Variants in MBLAC2 observed in about 807,000 individuals in gnomAD.
MBLAC2 encodes acyl-coenzyme A thioesterase MBLAC2.
Under a neutral mutation model 23.3 loss-of-function variants are expected in MBLAC2, and 24 were observed. The ratio of observed to expected loss-of-function variants is 1.03; its 90% CI spans 0.75 to 1.45. MBLAC2 has a LOEUF of 1.45. Among genes scored for constraint, MBLAC2 ranks in the 40% most tolerant of loss-of-function variants. The probability of loss-of-function intolerance (pLI) is 0.00; values close to 1 mark genes in which losing one functional copy is unlikely to be tolerated. For synonymous variants in MBLAC2, 162 were observed against 150.9 expected (o/e 1.07, Z -0.54); for missense variants, 358 against 370.0 (o/e 0.97, Z 0.27).
chr5:90,471,799 C>A (rs920643542), intron 1 of MBLAC2: 3 of 152,068 alleles, frequency 2.0e-5, no homozygotes, highest in Non-Finnish European at 4.4e-5. Flanking sequence ...TCAGAAGATA[C>A]GGGAAATTAA....
intron 1 of MBLAC2, chr5:90,472,652 G>A (rs1028098605): frequency 1.3e-5 from 2 of 152,032 alleles, no homozygotes; most frequent in African/African-American, 4.8e-5. Context: ...TCATTATACT[G>A]CAGCAACTGA....
At chr5:90,469,703 G>A (rs957392774) in intron 1 of MBLAC2, among the ~76,000 whole-genome samples, 1 of 152,054 alleles carries the variant, frequency 6.6e-6, no homozygotes, top group Non-Finnish European at 1.5e-5. Context: ...GAGTAAAAAT[G>A]GCTATTGTCA....
At chr5:90,463,332 C>T (rs1750397593) in intron 1 of MBLAC2, among the ~76,000 whole-genome samples, 1 of 152,246 alleles carries the variant, frequency 6.6e-6, no homozygotes, top group Admixed American at 6.5e-5. Context: ...CTCAAGCGAT[C>T]CTCCCTCCCT....
In MBLAC2 at chr5:90,461,439, C is replaced by T. The variant is rs1018066770; in HGVS notation, c.568G>A (p.Val190Ile). 4.3e-6 allele frequency: 7 copies of T among 1,614,016 alleles called. No homozygotes were observed. Among genetic ancestry groups the T allele is most frequent in the Non-Finnish European group, 4.2e-6 (5 of 1,180,016 alleles). Reference protein sequence around the residue: ...KDRKILFSGDVVYDGSLIDWL... With the variant: ...KDRKILFSGDIVYDGSLIDWL... The stretch of plus-strand genomic sequence containing the variant: ...TCAATCAGTGATCCATCATACACGA[C>T]GTCTCCACTGAAGAGAATCTTTCGG... The change falls in exon 2 of 2, where the codon GTC becomes ATC. Residue 190 changes from valine to isoleucine, a missense_variant. By Grantham distance (29) the Val-to-Ile change is conservative. Transcript: ENST00000316610.
chr5:90,470,809 A>G (rs1750535257), intron 1 of MBLAC2, among the ~76,000 whole-genome samples: 1 of 146,660 alleles, frequency 6.8e-6, no homozygotes, highest in African/African-American at 2.5e-5. Flanking sequence ...TGTTTTCCAT[A>G]CTGAGCCCTT....
intron 1 of MBLAC2, among the ~76,000 whole-genome samples, chr5:90,465,517 G>T (rs546409034): frequency 6.6e-6 from 1 of 152,136 alleles, no homozygotes; most frequent in Non-Finnish European, 1.5e-5. Flanking sequence ...GTTCAATATG[G>T]TGTGGCTAAT....
chr5:90,460,954 G>A lies in MBLAC2; in HGVS notation c.*213C>T. 2.3e-6 allele frequency: 1 copy of A among 434,756 alleles called. No individual in the cohort carries two copies. The highest frequency in any genetic ancestry group is 4.0e-6 in the Non-Finnish European group (1 of 249,998). The allele number at this position is 434,756 out of a possible 1,614,324, so 26.9% of individuals were successfully genotyped here. ...CATATATTACAAGATGACAGCTTTG[G>A]CAAAGTATAAGCTTATTTAAGTGGC... On this transcript the variant is annotated 3_prime_UTR_variant, in exon 2 of 2. Coordinates refer to ENST00000316610, the MANE Select transcript of MBLAC2 (RefSeq NM_203406.2).
chr5:90,461,615 T>C, intron 1 of MBLAC2, 63 bp from the exon 2 acceptor site: 1 of 1,440,234 alleles, frequency 6.9e-7, no homozygotes. Context: ...ATGTAAAGCA[T>C]ACTAGAGCAT....
rs1750366736 is a variant in MBLAC2, at chr5:90,461,427, C to A, written c.580G>T (p.Gly194Ter). The A allele has an allele frequency of 6.2e-7, 1 of 1,613,988 alleles. No individual in the cohort carries two copies. The change falls in exon 2 of 2, where the codon GGA becomes TGA. Residue 194 changes from glycine (G) to a stop codon, truncating the protein, a stop_gained. Transcript: ENST00000316610. LOFTEE classifies it high-confidence loss of function. ...TATGGGAGCCAGTCAATCAGTGATC[C>A]ATCATACACGACGTCTCCACTGAAG... ...ILFSGDVVYD[G>*]SLIDWLPYSR...
At position 90,461,475 on chromosome 5, in the gene MBLAC2, G is replaced by C; in HGVS notation, c.532C>G (p.His178Asp). Residue 178 changes from histidine (H) to aspartate (D), a missense_variant, in exon 2 of 2, where the codon CAT becomes GAT. Physicochemically the swap from His to Asp is moderately conservative, Grantham distance 81. Transcript: ENST00000316610. ...PGHSRGSICLHDKDRKILFSG... is the reference protein window; with the variant it reads ...PGHSRGSICLDDKDRKILFSG... ...AAGAGAATCTTTCGGTCTTTGTCATGTAAGCAAATACTGCCCCTGGAGTGA... is the reference window on the plus strand; with the variant it reads ...AAGAGAATCTTTCGGTCTTTGTCATCTAAGCAAATACTGCCCCTGGAGTGA... 1 of 1,614,112 alleles carries C rather than the reference G, an allele frequency of 6.2e-7. No homozygotes were observed. Among genetic ancestry groups the C allele is most frequent in the Non-Finnish European group, 8.5e-7 (1 of 1,180,014 alleles).
intron 1 of MBLAC2, among the ~76,000 whole-genome samples, chr5:90,471,073 T>C (rs914824436): frequency 3.9e-5 from 6 of 152,214 alleles, no homozygotes; most frequent in East Asian, 1.9e-4. Flanking sequence ...TTTGCTGGCA[T>C]AGTATAAAAC....
rs1240704916 is a variant in MBLAC2 at position 90,473,940 on chromosome 5, G to A, written c.353C>T (p.Thr118Ile). 1.2e-6 allele frequency: 2 copies of A among 1,604,474 alleles called. No individual in the cohort carries two copies. The highest frequency in any genetic ancestry group is 1.1e-5 in the South Asian group (1 of 89,282). The change falls in exon 1 of 2, where the codon ACC becomes ATC. Residue 118 changes from threonine (T) to isoleucine (I), a missense_variant. By Grantham distance (89) the Thr-to-Ile change is moderately conservative. Coordinates refer to ENST00000316610, the MANE Select transcript of MBLAC2 (RefSeq NM_203406.2). ...CACCACCTCGCTATCGGAAAGCCAG[G>A]TCACGGTCTCAAAGTTGTCCCCGCG... Reference protein sequence around the residue: ...LARGDNFETVTWLSDSEVVRT... With the variant: ...LARGDNFETVIWLSDSEVVRT...
intron 1 of MBLAC2, among the ~76,000 whole-genome samples, chr5:90,469,085 C>A (rs1218386763): frequency 1.3e-5 from 2 of 152,124 alleles, no homozygotes; most frequent in African/African-American, 4.8e-5. Context: ...CCAAGATCAG[C>A]CTCCCGAGTA....
intron 1 of MBLAC2, among the ~76,000 whole-genome samples, chr5:90,470,754 G>GCACACACACACACA (rs112575403): frequency 7.1e-5 from 8 of 112,524 alleles, no homozygotes; most frequent in South Asian, 6.3e-4. Context: ...ACTAGCGCGC[G>GCACACACACACACA]CGCACACACA....
Position 90,474,285 on chromosome 5 carries a change from G to C in MBLAC2, c.8C>G (p.Ala3Gly). The C allele has an allele frequency of 6.2e-7, 1 of 1,613,072 alleles. No homozygotes were observed. The highest frequency in any genetic ancestry group is 8.5e-7 in the Non-Finnish European group (1 of 1,179,704). Residue 3 changes from alanine to glycine, a missense_variant, in exon 1 of 2, where the codon GCG becomes GGG. Coordinates refer to ENST00000316610, the MANE Select transcript of MBLAC2 (RefSeq NM_203406.2). MS[A>G]LEWYAHKSLG... ...AGACTTGTGGGCGTACCACTCGAGC[G>C]CCGACATGCTGGGCAGGGGTGCAGC...
Position 90,460,352 on chromosome 5 carries a change from T to C in MBLAC2, c.*815A>G, listed in dbSNP as rs1182533169. 6.6e-6 allele frequency: 1 copy of C among 152,590 alleles called. No individual in the cohort carries two copies. Among genetic ancestry groups the C allele is most frequent in the African/African-American group, 2.4e-5 (1 of 41,458 alleles). The allele number at this position is 152,590 out of a possible 1,614,324, so 9.5% of individuals were successfully genotyped here. ...TTCATAATAGCTGTTAATATTAAAA[T>C]AGGATATAATAATAAAAAATTATTC... On this transcript the variant is annotated 3_prime_UTR_variant, in exon 2 of 2. Coordinates refer to ENST00000316610, the MANE Select transcript of MBLAC2 (RefSeq NM_203406.2).
intron 1 of MBLAC2, among the ~76,000 whole-genome samples, chr5:90,470,660 TG>T (rs973819432): frequency 1.3e-5 from 2 of 151,764 alleles, no homozygotes; most frequent in African/African-American, 2.4e-5. Flanking sequence ...CCTACCTGGG[TG>T]GGGAAAGGCC....
At position 90,458,221 on chromosome 5, in the gene MBLAC2, T is replaced by C. The variant is rs1158700269; in HGVS notation, c.*2946A>G. On this transcript the variant is annotated 3_prime_UTR_variant, in exon 2 of 2. Transcript: ENST00000316610. Reference sequence around the variant, plus strand: ...TTATAGATTGAAATAAAATGACTAATATTTATTACACAAGTGCTTAGTTAC... The same window carrying C: ...TTATAGATTGAAATAAAATGACTAACATTTATTACACAAGTGCTTAGTTAC... 1 of 152,200 alleles carries C rather than the reference T, an allele frequency of 6.6e-6. No homozygotes were observed. Among genetic ancestry groups the C allele is most frequent in the Non-Finnish European group, 1.5e-5 (1 of 68,010 alleles). 9.4% of individuals were successfully genotyped at this position (152,200 alleles called of 1,614,324 possible). A position where few individuals can be genotyped will look rare whatever the true frequency, so the allele number is the denominator to read the frequency against.
At chr5:90,471,209 G>A (rs915105971) in intron 1 of MBLAC2, among the ~76,000 whole-genome samples, 1 of 152,158 alleles carries the variant, frequency 6.6e-6, no homozygotes, top group Non-Finnish European at 1.5e-5. Flanking sequence ...CAAATTAGAT[G>A]TGTCTGTTCA....
Sources: gnomAD v4.1 joint callset for allele counts (sites outside exome capture counted in the v4.1 genomes callset) on GRCh38, gnomAD v4.1.1 for gene constraint, MANE v1.5 for transcripts, NCBI Gene and HGNC (gene_info 2026-07-23, HGNC 2026-07-21) for gene names.